The following ITGB2 variants were observed in gnomAD, a reference collection of about 807,000 sequenced individuals.
ITGB2 encodes integrin subunit beta 2, also known as integrin beta-2.
ITGB2 carries 56 observed loss-of-function variants against 86.8 expected under a neutral mutation model. The ratio of observed to expected loss-of-function variants is 0.65; its 90% CI spans 0.52 to 0.81. The LOEUF is 0.81. Among genes scored for constraint, ITGB2 ranks in the 30% least tolerant of loss-of-function variants. The pLI is 0.00. For synonymous variants in ITGB2, 457 were observed against 450.4 expected (o/e 1.01, Z -0.19); for missense variants, 948 against 1,061.2 (o/e 0.89, Z 1.48).
Position 44,890,027 on chromosome 21 carries a change from A to G in ITGB2, c.1608T>C (p.Cys536=), listed in dbSNP as rs779414090. ...TGTAGCGCTCACAGTTGATGGTGTC[A>G]CACTCGCAGTACTGCCCGTATATCA... The part of the protein sequence containing the change: ...GKLIYGQYCE[C]DTINCERYNG... The change falls in exon 12 of 16, where the codon TGT becomes TGC. Residue 536 remains cysteine (C), a synonymous_variant. Transcript: ENST00000652462. 2 of 1,613,332 alleles carry G rather than the reference A, an allele frequency of 1.2e-6. No homozygotes were observed. Among genetic ancestry groups the G allele is most frequent in the East Asian group, 4.5e-5 (2 of 44,886 alleles).
chr21:44,887,685 C>T (rs2083719335), intron 14 of ITGB2, among the ~76,000 whole-genome samples: 2 of 152,212 alleles, frequency 1.3e-5, no homozygotes, highest in African/African-American at 4.8e-5. Context: ...CCTTCCTTCA[C>T]CTGTCCTCAA....
Position 44,886,223 on chromosome 21 carries a change from GGCCATGGC to G in ITGB2, c.*137_*144del. The G allele has an allele frequency of 1.2e-6, 1 of 803,378 alleles. No homozygotes were observed. Among genetic ancestry groups the G allele is most frequent in the Admixed American group, 1.9e-5 (1 of 51,572 alleles). The allele number at this position is 803,378 out of a possible 1,614,324, so 49.8% of individuals were successfully genotyped here. A position where few individuals can be genotyped will look rare whatever the true frequency, so the allele number is the denominator to read the frequency against. On this transcript the variant is annotated 3_prime_UTR_variant, in exon 16 of 16. Transcript: ENST00000652462. ...GACGAGCCCCCAGAAGCACCCGGCCGGCCATGGCTGTCATTTTGAGGGCGGAAAATAAC... is the reference window on the plus strand; with the variant it reads ...GACGAGCCCCCAGAAGCACCCGGCCGTGTCATTTTGAGGGCGGAAAATAAC...
chr21:44,904,835 ACACACACACCACACACACATGCGCT>A (rs1453270319), intron 4 of ITGB2, among the ~76,000 whole-genome samples: 1 of 151,812 alleles, frequency 6.6e-6, no homozygotes, highest in African/African-American at 2.4e-5. Flanking sequence ...CACCATGCAT[ACACACACACCACACACACATGCGCT>A]CACACACACA....
chr21:44,921,149 G>A (rs1404691737), upstream of ITGB2: 1 of 152,294 alleles, frequency 6.6e-6, no homozygotes, highest in Non-Finnish European at 1.5e-5. Flanking sequence ...CGGCCTCCAG[G>A]AGCGCCAGGC....
chr21:44,901,947 A>G (rs2083966337), intron 5 of ITGB2: 3 of 594,694 alleles, frequency 5.0e-6, no homozygotes, highest in African/African-American at 3.7e-5. Context: ...GGGAGTGTGC[A>G]ATGTACATGG....
upstream of ITGB2, among the ~76,000 whole-genome samples, chr21:44,921,813 C>T (rs565531899): frequency 2.6e-5 from 4 of 152,256 alleles, no homozygotes; most frequent in African/African-American, 9.6e-5. Context: ...CCTCTGCCTC[C>T]CGGGTTCAAG....
In ITGB2 at chr21:44,890,150, T is replaced by G; in HGVS notation, c.1485A>C (p.Gly495=). The part of the protein sequence containing the change: ...TQGRSSQELE[G]SCRKDNNSII... ...TGGAGTTGTTGTCCTTCCGGCAGCT[T>G]CCTTCCAGCTCCTGGCTGCTCCGGC... is the stretch of plus-strand genomic sequence containing the variant. The change falls in exon 12 of 16, where the codon GGA becomes GGC. Residue 495 remains glycine (G), a synonymous_variant. Coordinates refer to ENST00000652462, the MANE Select transcript of ITGB2 (RefSeq NM_000211.5). 6.2e-7 allele frequency: 1 copy of G among 1,613,296 alleles called. No homozygotes were observed. The highest frequency in any genetic ancestry group is 1.1e-5 in the South Asian group (1 of 91,078).
In ITGB2 at chr21:44,888,838, C is replaced by T. The variant is rs747693677; in HGVS notation, c.1935G>A (p.Ala645=). 37 of 1,610,270 alleles carry T rather than the reference C, an allele frequency of 2.3e-5. No individual in the cohort carries two copies. Among genetic ancestry groups the T allele is most frequent in the Middle Eastern group, 1.6e-4 (1 of 6,084 alleles). The change falls in exon 14 of 16, where the codon GCG becomes GCA. Residue 645 remains alanine (A), a synonymous_variant. Coordinates refer to ENST00000652462, the MANE Select transcript of ITGB2 (RefSeq NM_000211.5). Reference sequence around the variant, plus strand: ...TCGACAGCTGCAGGCCCGGACACGCCGCGCTGCAGTTCTTCCCAAAGGGGC... The same window carrying T: ...TCGACAGCTGCAGGCCCGGACACGCTGCGCTGCAGTTCTTCCCAAAGGGGC... The part of the protein sequence containing the change: ...EKGPFGKNCS[A]ACPGLQLSNN...
Position 44,888,871 on chromosome 21 carries a change from G to T in ITGB2, c.1902C>A (p.Phe634Leu). ...AGTTCTTCCCAAAGGGGCCCTTTTCGAACTTCAGGCACTCGGCGCAGGAGC... is the reference window on the plus strand; with the variant it reads ...AGTTCTTCCCAAAGGGGCCCTTTTCTAACTTCAGGCACTCGGCGCAGGAGC... ...KYISCAECLK[F>L]EKGPFGKNCS... Residue 634 changes from phenylalanine (F) to leucine (L), a missense_variant, in exon 14 of 16, where the codon TTC becomes TTA. Coordinates refer to ENST00000652462, the MANE Select transcript of ITGB2 (RefSeq NM_000211.5). The T allele has an allele frequency of 6.2e-7, 1 of 1,607,554 alleles. No individual in the cohort carries two copies. Among genetic ancestry groups the T allele is most frequent in the South Asian group, 1.1e-5 (1 of 91,076 alleles).
Position 44,910,530 on chromosome 21 carries a change from G to T in ITGB2, c.59-158C>A. 5 of 1,488,074 alleles carry T rather than the reference G, an allele frequency of 3.4e-6. 1 individual carries two copies. The South Asian group carries it at 6.0e-5, about 18-fold the overall frequency. The allele number at this position is 1,488,074 out of a possible 1,614,324, so 92.2% of individuals were successfully genotyped here. A position where few individuals can be genotyped will look rare whatever the true frequency, so the allele number is the denominator to read the frequency against. On this transcript the variant is annotated intron_variant, in intron 2 of 15. Transcript: ENST00000652462. The stretch of plus-strand genomic sequence containing the variant: ...GCCACCACCCCCAGGTGCAAAGAGG[G>T]GCCCTCGGGAAACAGCACAGCTACA...
chr21:44,910,134 C>T (rs2084106890), intron 3 of ITGB2, 150 bp downstream of exon 3: 1 of 903,598 alleles, frequency 1.1e-6, no homozygotes, highest in African/African-American at 1.7e-5. Flanking sequence ...ACCTCAGGGG[C>T]CCCTTGAGGG....
At position 44,903,396 on chromosome 21, in the gene ITGB2, G is replaced by T; in HGVS notation, c.468C>A (p.Ala156=). 6.2e-7 allele frequency: 1 copy of T among 1,614,084 alleles called. No homozygotes were observed. The highest frequency in any genetic ancestry group is 8.5e-7 in the Non-Finnish European group (1 of 1,179,984). The part of the protein sequence containing the change: ...VKKLGGDLLR[A]LNEITESGRI... ...GGCCGGACTCGGTGATCTCGTTGAG[G>T]GCCCGGAGCAGGTCGCCACCTAGCT... The change falls in exon 5 of 16, where the codon GCC becomes GCA. Residue 156 remains alanine (A), a synonymous_variant. Coordinates refer to ENST00000652462, the MANE Select transcript of ITGB2 (RefSeq NM_000211.5).
intron 5 of ITGB2, 55 bp downstream of exon 5, chr21:44,903,310 A>T: frequency 5.0e-6 from 8 of 1,599,428 alleles, no homozygotes; most frequent in Non-Finnish European, 6.9e-6. Context: ...CACAGGCAGG[A>T]GTGGCCAGGG....
intron 4 of ITGB2, among the ~76,000 whole-genome samples, chr21:44,906,372 C>T (rs1292297800): frequency 1.3e-5 from 2 of 152,036 alleles, no homozygotes; most frequent in Non-Finnish European, 1.5e-5. Context: ...CCACCCGCCT[C>T]GGCCTCCCAA....
chr21:44,892,249 C>T (rs2083797179), intron 10 of ITGB2, among the ~76,000 whole-genome samples: 1 of 152,254 alleles, frequency 6.6e-6, no homozygotes, highest in Non-Finnish European at 1.5e-5. Flanking sequence ...AGACATGTGA[C>T]ACGCAGACAG....
intron 8 of ITGB2, among the ~76,000 whole-genome samples, chr21:44,896,589 C>T (rs1160405140): frequency 6.6e-6 from 1 of 152,172 alleles, no homozygotes; most frequent in Non-Finnish European, 1.5e-5. Flanking sequence ...GCCTGGCCAC[C>T]ACCCTCCTCT....
intron 1 of ITGB2, 107 bp downstream of exon 1, chr21:44,920,714 C>T (rs924867185): frequency 3.3e-5 from 5 of 152,406 alleles, no homozygotes; most frequent in Admixed American, 1.3e-4. Flanking sequence ...CCAGACACCC[C>T]TGGGCCGGGG....
chr21:44,907,170 C>G lies in ITGB2; in HGVS notation c.148-75G>C, dbSNP rs529302038. 2.3e-5 allele frequency: 26 copies of G among 1,145,102 alleles called. No individual in the cohort carries two copies. The Admixed American group carries it at 4.3e-4, about 19-fold the overall frequency. The allele number at this position is 1,145,102 out of a possible 1,614,324, so 70.9% of individuals were successfully genotyped here. A position where few individuals can be genotyped will look rare whatever the true frequency, so the allele number is the denominator to read the frequency against. ...CAGGAGGCTGACTGGCCATGGAGGA[C>G]TGAGGACCCACCCTGTCCCCTCCTC... is the stretch of plus-strand genomic sequence containing the variant. On this transcript the variant is annotated intron_variant, in intron 3 of 15. Coordinates refer to ENST00000652462, the MANE Select transcript of ITGB2 (RefSeq NM_000211.5).
intron 11 of ITGB2, among the ~76,000 whole-genome samples, chr21:44,891,358 C>A (rs2146503243): frequency 6.6e-6 from 1 of 152,320 alleles, no homozygotes; most frequent in Non-Finnish European, 1.5e-5. Context: ...CACCCATGCC[C>A]CAGGGCTGCC....
Sources: gnomAD v4.1 joint callset for allele counts (sites outside exome capture counted in the v4.1 genomes callset) on GRCh38, gnomAD v4.1.1 for gene constraint, MANE v1.5 for transcripts, NCBI Gene and HGNC (gene_info 2026-07-23, HGNC 2026-07-21) for gene names.